KLHL22: variants seen among roughly 807,000 people sequenced by gnomAD.
KLHL22 encodes kelch like family member 22, also known as kelch-like protein 22.
A neutral mutation model predicts 60.7 loss-of-function variants in KLHL22; 18 were observed. The observed-to-expected ratio is 0.30, with a 90% confidence interval of 0.20 to 0.44. The LOEUF is 0.44. Ranked by LOEUF, KLHL22 falls within the 20% of genes least tolerant of loss-of-function variation. KLHL22 has a pLI of 1.00. For synonymous variants in KLHL22, 355 were observed against 354.5 expected (o/e 1.00, Z -0.01); for missense variants, 596 against 852.3 (o/e 0.70, Z 3.74).
At chr22:20,447,741 CCATGT>C (rs1316065237) in intron 5 of KLHL22, among the ~76,000 whole-genome samples, 1 of 152,074 alleles carries the variant, frequency 6.6e-6, no homozygotes, top group Admixed American at 6.6e-5. Context: ...CAGGGTTTCA[CCATGT>C]TGGCCAGGAT....
chr22:20,482,568 TGTTTG>T (rs2053520141), intron 2 of KLHL22, among the ~76,000 whole-genome samples: 1 of 151,960 alleles, frequency 6.6e-6, no homozygotes, highest in African/African-American at 2.4e-5. Context: ...TTGTTTTGTT[TGTTTG>T]TTTTTCTTTT....
chr22:20,483,563 T>G, intron 2 of KLHL22: 1 of 725,866 alleles, frequency 1.4e-6, no homozygotes, highest in Admixed American at 1.7e-5. Flanking sequence ...AGCCCATGTA[T>G]GTCGCTCTCC....
In KLHL22 at chr22:20,464,944, C is replaced by A; in HGVS notation, c.1026G>T (p.Gln342His). The change falls in exon 4 of 7, where the codon CAG (glutamine) becomes CAT (histidine). Residue 342 changes from glutamine (Q) to histidine (H), a missense_variant. Transcript: ENST00000328879. Reference sequence around the variant, plus strand: ...CGAAGTTGTTGAGCACCGCGATGCCCTGGTTGGACATGCGGGGGGCCAGGG... The same window carrying A: ...CGAAGTTGTTGAGCACCGCGATGCCATGGTTGGACATGCGGGGGGCCAGGG... ...TASLAPRMSN[Q>H]GIAVLNNFVY... The A allele has an allele frequency of 1.2e-6, 2 of 1,603,350 alleles. No homozygotes were observed. The highest frequency in any genetic ancestry group is 8.5e-7 in the Non-Finnish European group (1 of 1,174,888).
chr22:20,451,798 G>T (rs1259891473), intron 5 of KLHL22: 1 of 1,602,518 alleles, frequency 6.2e-7, no homozygotes, highest in Non-Finnish European at 8.5e-7. Flanking sequence ...CTGTGATGCT[G>T]GTGTGTGTGT....
chr22:20,483,156 C>A, intron 2 of KLHL22: 2 of 632,984 alleles, frequency 3.2e-6, no homozygotes, highest in Non-Finnish European at 5.8e-6. Flanking sequence ...TACAAGCTGG[C>A]CTTCAGATTT....
chr22:20,442,333 A>G lies in KLHL22; in HGVS notation c.1645T>C (p.Leu549=). The change falls in exon 7 of 7, where the codon TTA becomes CTA. Residue 549 remains leucine (L), a synonymous_variant. Transcript: ENST00000328879. ...IAVLDNRIYV[L]GGRSHNRGSR... is the part of the protein sequence containing the mutation. ...CCGCGGTTGTGTGAGCGGCCACCTA[A>G]CACATAGATCCTGTTGTCCAGCACA... is the stretch of plus-strand genomic sequence containing the variant. The G allele has an allele frequency of 6.2e-7, 1 of 1,613,940 alleles. No homozygotes were observed. The highest frequency in any genetic ancestry group is 1.1e-5 in the South Asian group (1 of 91,086).
intron 3 of KLHL22, among the ~76,000 whole-genome samples, chr22:20,467,808 G>A (rs1487279904): frequency 6.6e-6 from 1 of 152,028 alleles, no homozygotes; most frequent in Admixed American, 6.6e-5. Flanking sequence ...ACAGACGCCC[G>A]CCACCACGCC....
intron 2 of KLHL22, chr22:20,483,965 G>A (rs772923792): frequency 1.9e-5 from 13 of 686,842 alleles, no homozygotes; most frequent in Admixed American, 5.8e-5. Flanking sequence ...AGCGGGACAC[G>A]AAGATCCAGG....
intron 5 of KLHL22, among the ~76,000 whole-genome samples, chr22:20,447,987 C>T (rs545518926): frequency 1.7e-3 from 260 of 152,288 alleles, no homozygotes; most frequent in Middle Eastern, 6.8e-3. Context: ...AGGATGCTGA[C>T]GTGGACACAG....
chr22:20,443,486 A>G (rs1471044574), intron 6 of KLHL22, among the ~76,000 whole-genome samples: 4 of 152,204 alleles, frequency 2.6e-5, no homozygotes, highest in Non-Finnish European at 5.9e-5. Flanking sequence ...CACGCCTGTA[A>G]TCCCAGCACT....
intron 5 of KLHL22, chr22:20,451,316 A>G: frequency 6.2e-7 from 1 of 1,608,922 alleles, no homozygotes; most frequent in Non-Finnish European, 8.5e-7. Flanking sequence ...GAGCGGTATG[A>G]TCCAAACATT....
At chr22:20,451,211 T>G in intron 5 of KLHL22, 1 of 1,598,904 alleles carries the variant, frequency 6.3e-7, no homozygotes, top group Non-Finnish European at 8.6e-7. Flanking sequence ...GTGGCCCCTA[T>G]GAATGTCTGA....
intron 4 of KLHL22, among the ~76,000 whole-genome samples, chr22:20,459,337 G>T (rs561806867): frequency 6.6e-6 from 1 of 152,060 alleles, no homozygotes; most frequent in Non-Finnish European, 1.5e-5. Flanking sequence ...GCCCCTCCCC[G>T]CCGCCTACCA....
At chr22:20,462,120 C>CA (rs1238810124) in intron 4 of KLHL22, among the ~76,000 whole-genome samples, 1 of 148,960 alleles carries the variant, frequency 6.7e-6, no homozygotes, top group South Asian at 2.2e-4. Context: ...AACAAAAAAA[C>CA]AAAAAAATTA....
chr22:20,489,816 C>T (rs764948679), intron 1 of KLHL22: 1 of 470,868 alleles, frequency 2.1e-6, no homozygotes, highest in South Asian at 1.6e-5. Flanking sequence ...GAGGTGGGTG[C>T]CAAGGGGGTG....
intron 2 of KLHL22, among the ~76,000 whole-genome samples, chr22:20,472,182 G>T (rs1037239679): frequency 6.6e-6 from 1 of 152,224 alleles, no homozygotes; most frequent in Non-Finnish European, 1.5e-5. Flanking sequence ...GGGAGACGGA[G>T]GGTGCCATGA....
intron 5 of KLHL22, chr22:20,450,380 T>C (rs1462274095): frequency 9.7e-6 from 14 of 1,444,492 alleles, no homozygotes; most frequent in Admixed American, 3.3e-5. Context: ...GGAAATTTTA[T>C]TGGACTTTGT....
At position 20,465,613 on chromosome 22, in the gene KLHL22, G is replaced by C; in HGVS notation, c.394-37C>G. The C allele has an allele frequency of 9.8e-7, 1 of 1,017,492 alleles. No homozygotes were observed. The highest frequency in any genetic ancestry group is 1.6e-6 in the Non-Finnish European group (1 of 635,698). 63.0% of individuals were successfully genotyped at this position (1,017,492 alleles called of 1,614,324 possible). A position where few individuals can be genotyped will look rare whatever the true frequency, so the allele number is the denominator to read the frequency against. ...ATGACACCCATTCAAGCCTGGGCTG[G>C]TGAACAGCATCTGGGGGTGGGAGAG... On this transcript the variant is annotated intron_variant, in intron 3 of 6. Coordinates refer to ENST00000328879, the MANE Select transcript of KLHL22 (RefSeq NM_032775.4). The surrounding 1 kb of genome is among the most constrained non-coding windows in gnomAD (Gnocchi z 4.9).
chr22:20,479,967 T>G (rs1171386765), intron 2 of KLHL22, among the ~76,000 whole-genome samples: 1 of 152,226 alleles, frequency 6.6e-6, no homozygotes, highest in South Asian at 2.1e-4. Context: ...CCTTGATAGG[T>G]GAATAGACAA....
Sources: allele counts gnomAD v4.1 joint callset (sites outside exome capture counted in the v4.1 genomes callset), GRCh38; gene constraint gnomAD v4.1.1; non-coding constraint Gnocchi (gnomAD v3.1); transcripts MANE v1.5; gene names NCBI Gene and HGNC (gene_info 2026-07-23, HGNC 2026-07-21).